HMBOX1: variants seen among roughly 807,000 people sequenced by gnomAD.
HMBOX1 encodes the protein homeobox containing 1, also known as homeobox-containing protein 1.
In HMBOX1, 14 loss-of-function variants were observed where a neutral mutation model predicts 54.5. The ratio of observed to expected loss-of-function variants is 0.26; its 90% CI spans 0.17 to 0.40. The LOEUF (loss-of-function observed/expected upper bound fraction) is 0.40, where lower values mean the gene tolerates loss of function less well. Among genes scored for constraint, HMBOX1 ranks in the 10% least tolerant of loss-of-function variants. The pLI, the probability that HMBOX1 is intolerant of heterozygous loss-of-function variation, is 1.00. For missense variants in HMBOX1, 332 were observed against 514.4 expected, an observed-to-expected ratio of 0.65 and a Z score of 3.43; for synonymous variants, 160 against 181.0, an observed-to-expected ratio of 0.88 and a Z score of 0.93.
intron 2 of HMBOX1, among the ~76,000 whole-genome samples, chr8:28,965,874 G>C (rs1415033923): frequency 1.3e-5 from 2 of 152,150 alleles, no homozygotes; most frequent in African/African-American, 4.8e-5. Flanking sequence ...AGGATGGAGA[G>C]TTCTCTCTCT....
At chr8:28,941,898 C>T (rs1255889214) in intron 1 of HMBOX1, among the ~76,000 whole-genome samples, 3 of 152,194 alleles carry the variant, frequency 2.0e-5, no homozygotes. Context: ...AACCCCCCAG[C>T]CCTTTCAGAG....
At chr8:29,004,469 G>C (rs1392094091) in intron 4 of HMBOX1, among the ~76,000 whole-genome samples, 1 of 152,174 alleles carries the variant, frequency 6.6e-6, no homozygotes, top group African/African-American at 2.4e-5. Flanking sequence ...TGGAGACTCT[G>C]ACAAGAAAGG....
At chr8:29,000,469 A>G (rs1270517240) in intron 4 of HMBOX1, among the ~76,000 whole-genome samples, 2 of 152,216 alleles carry the variant, frequency 1.3e-5, no homozygotes, top group Non-Finnish European at 2.9e-5. Flanking sequence ...TCATACCTCC[A>G]CTTCTCTGTT....
At chr8:28,976,487 G>A (rs1043040928) in intron 3 of HMBOX1, among the ~76,000 whole-genome samples, 6 of 152,066 alleles carry the variant, frequency 3.9e-5, no homozygotes, top group Non-Finnish European at 8.8e-5. Context: ...CTGGTTTCAA[G>A]CAATTTTCCT....
intron 2 of HMBOX1, among the ~76,000 whole-genome samples, chr8:28,964,440 T>G (rs1826106638): frequency 6.6e-6 from 1 of 152,168 alleles, no homozygotes. Context: ...TGAGAGTGTT[T>G]TTGTGCTAGG....
At chr8:28,925,134 T>C (rs1366688131) in intron 1 of HMBOX1, among the ~76,000 whole-genome samples, 3 of 152,120 alleles carry the variant, frequency 2.0e-5, no homozygotes, top group African/African-American at 7.2e-5. Flanking sequence ...ATTAAAAGAA[T>C]AATATTATGT....
At chr8:28,987,343 A>T (rs1830316435) in intron 4 of HMBOX1, among the ~76,000 whole-genome samples, 1 of 152,178 alleles carries the variant, frequency 6.6e-6, no homozygotes, top group Non-Finnish European at 1.5e-5. Context: ...GCCTAATGTA[A>T]TTTAAAAATT....
chr8:28,929,163 A>G (rs1819041415), intron 1 of HMBOX1, among the ~76,000 whole-genome samples: 1 of 152,314 alleles, frequency 6.6e-6, no homozygotes, highest in Admixed American at 6.5e-5. Context: ...TTGGGGAAAT[A>G]AATCTGAGAG....
chr8:29,007,124 A>G (rs1365418790), intron 4 of HMBOX1, among the ~76,000 whole-genome samples: 1 of 151,904 alleles, frequency 6.6e-6, no homozygotes, highest in Non-Finnish European at 1.5e-5. Context: ...CCCCATCCCT[A>G]CTAAAAATAC....
At chr8:28,912,168 T>G (rs530260681) in intron 1 of HMBOX1, among the ~76,000 whole-genome samples, 1 of 152,322 alleles carries the variant, frequency 6.6e-6, no homozygotes, top group Admixed American at 6.5e-5. Flanking sequence ...GTTAGATGTA[T>G]TAAATGTGTA....
rs1340199113 is a variant in HMBOX1 at position 28,896,389 on chromosome 8, G to GCCTAGGAGCA, written c.-58+5711_-58+5712insCCTAGGAGCA. On this transcript the variant is annotated intron_variant, in intron 1 of 9. Coordinates refer to ENST00000287701, the MANE Select transcript of HMBOX1 (RefSeq NM_001135726.3). Reference sequence around the variant, plus strand: ...TATGCCATTTTATCACAGGTGTGTAGATTGCATAATCACCACCAAAATCAA... The same window carrying GCCTAGGAGCA: ...TATGCCATTTTATCACAGGTGTGTAGCCTAGGAGCAATTGCATAATCACCACCAAAATCAA... 6.2e-4 allele frequency among the ~76,000 whole-genome samples: 81 copies of GCCTAGGAGCA among 131,376 alleles called. 5 individuals are homozygous for GCCTAGGAGCA. Among genetic ancestry groups the GCCTAGGAGCA allele is most frequent in the Admixed American group, 8.1e-4 (11 of 13,626 alleles). The allele number at this position is 131,376 out of a possible 152,430, so 86.2% of individuals were successfully genotyped here.
At chr8:28,946,763 C>T (rs1822553213) in intron 1 of HMBOX1, among the ~76,000 whole-genome samples, 1 of 152,176 alleles carries the variant, frequency 6.6e-6, no homozygotes, top group Non-Finnish European at 1.5e-5. Context: ...GGTCTTGCCA[C>T]CTGTAGTTAC....
intron 1 of HMBOX1, among the ~76,000 whole-genome samples, chr8:28,952,577 G>C (rs1349461005): frequency 2.0e-5 from 3 of 152,088 alleles, no homozygotes; most frequent in African/African-American, 7.2e-5. Context: ...CAAAGATTAT[G>C]CTGATTTTTA....
chr8:28,944,988 A>G (rs979284413), intron 1 of HMBOX1, among the ~76,000 whole-genome samples: 1 of 152,112 alleles, frequency 6.6e-6, no homozygotes, highest in Admixed American at 6.6e-5. Context: ...TTAGGAAACA[A>G]CTTTCTCATC....
intron 4 of HMBOX1, among the ~76,000 whole-genome samples, chr8:28,993,256 A>C (rs1008830888): frequency 7.2e-5 from 11 of 152,192 alleles, no homozygotes; most frequent in Non-Finnish European, 1.5e-4. Context: ...TATTTTGATA[A>C]AGATTTAGAT....
intron 1 of HMBOX1, among the ~76,000 whole-genome samples, chr8:28,924,223 C>A (rs1233598323): frequency 6.6e-6 from 1 of 151,576 alleles, no homozygotes; most frequent in Non-Finnish European, 1.5e-5. Flanking sequence ...TCTCCTGCCT[C>A]AGCCTCCCGA....
At chr8:29,028,967 C>T (rs1224780305) in intron 6 of HMBOX1, among the ~76,000 whole-genome samples, 1 of 152,166 alleles carries the variant, frequency 6.6e-6, no homozygotes, top group African/African-American at 2.4e-5. Context: ...CTCTCCACTT[C>T]TGCTCTCATT....
At chr8:29,004,982 C>T (rs1833219910) in intron 4 of HMBOX1, among the ~76,000 whole-genome samples, 1 of 152,030 alleles carries the variant, frequency 6.6e-6, no homozygotes, top group Admixed American at 6.6e-5. Context: ...GTTTACAGTG[C>T]CTTTTTTGGA....
intron 1 of HMBOX1, among the ~76,000 whole-genome samples, chr8:28,922,896 A>T (rs552278570): frequency 6.6e-6 from 1 of 152,180 alleles, no homozygotes; most frequent in African/African-American, 2.4e-5. Flanking sequence ...AAGTGATGCT[A>T]TGTGTCTGAT....
Sources: gnomAD v4.1 joint callset for allele counts (sites outside exome capture counted in the v4.1 genomes callset) on GRCh38, gnomAD v4.1.1 for gene constraint, MANE v1.5 for transcripts, NCBI Gene and HGNC (gene_info 2026-07-23, HGNC 2026-07-21) for gene names.